NTRK2: variants seen among roughly 807,000 people sequenced by gnomAD.
NTRK2 encodes the protein BDNF/NT-3 growth factors receptor.
Under a neutral mutation model 94.5 loss-of-function variants are expected in NTRK2, and 13 were observed. The observed-to-expected ratio is 0.14, with a 90% confidence interval of 0.09 to 0.22. NTRK2 has a LOEUF of 0.22. Among genes scored for constraint, NTRK2 ranks in the 10% least tolerant of loss-of-function variants. The pLI is 1.00. For synonymous variants in NTRK2, 372 were observed against 407.4 expected, an observed-to-expected ratio of 0.91 and a Z score of 1.05; for missense variants, 639 against 1,071.2, an observed-to-expected ratio of 0.60 and a Z score of 5.63.
At chr9:84,930,168 C>A (rs2077972062) in intron 14 of NTRK2, among the ~76,000 whole-genome samples, 1 of 152,196 alleles carries the variant, frequency 6.6e-6, no homozygotes, top group South Asian at 2.1e-4. Flanking sequence ...TTACAAAAGT[C>A]TTACTCTCAG....
At chr9:84,838,666 G>T (rs1339941647) in intron 12 of NTRK2, among the ~76,000 whole-genome samples, 1 of 152,088 alleles carries the variant, frequency 6.6e-6, no homozygotes, top group Admixed American at 6.6e-5. Flanking sequence ...AATAATACCA[G>T]AGGAATCAAT....
At chr9:84,708,050 T>C in intron 5 of NTRK2, 138 bp downstream of exon 5, 1 of 701,856 alleles carries the variant, frequency 1.4e-6, no homozygotes. Flanking sequence ...AGTTTCAGTC[T>C]CTCAGTCTTT....
At chr9:84,919,856 A>C (rs548054014) in intron 14 of NTRK2, among the ~76,000 whole-genome samples, 1 of 152,290 alleles carries the variant, frequency 6.6e-6, no homozygotes, top group East Asian at 1.9e-4. Context: ...GTGCCTCATG[A>C]GGTTGTGAGG....
At chr9:84,706,714 T>G (rs1256059833) in intron 4 of NTRK2, among the ~76,000 whole-genome samples, 3 of 151,702 alleles carry the variant, frequency 2.0e-5, no homozygotes, top group Non-Finnish European at 4.4e-5. Context: ...TTTTTTTTAG[T>G]GGAGACGGGG....
chr9:85,007,919 C>T (rs1831145031), intron 17 of NTRK2, among the ~76,000 whole-genome samples: 1 of 152,174 alleles, frequency 6.6e-6, no homozygotes, highest in South Asian at 2.1e-4. Context: ...CACACAGCTA[C>T]ACATAAGCTC....
intron 17 of NTRK2, among the ~76,000 whole-genome samples, chr9:84,959,747 A>T (rs1564503969): frequency 6.6e-6 from 1 of 152,130 alleles, no homozygotes; most frequent in Non-Finnish European, 1.5e-5. Context: ...TCTTTCCTCC[A>T]CTGGCAAAAC....
At chr9:84,897,043 G>A (rs1164630376) in intron 14 of NTRK2, among the ~76,000 whole-genome samples, 3 of 152,104 alleles carry the variant, frequency 2.0e-5, no homozygotes, top group Admixed American at 1.3e-4. Flanking sequence ...AACATATGAG[G>A]CAACCAAAGC....
At chr9:84,736,184 A>G (rs905384165) in intron 9 of NTRK2, among the ~76,000 whole-genome samples, 1 of 152,222 alleles carries the variant, frequency 6.6e-6, no homozygotes, top group African/African-American at 2.4e-5. Flanking sequence ...GTACATAAAG[A>G]GTGTCTGTAT....
chr9:84,863,086 A>T (rs887515619), intron 13 of NTRK2, among the ~76,000 whole-genome samples: 3 of 152,084 alleles, frequency 2.0e-5, no homozygotes, highest in Admixed American at 6.6e-5. Context: ...CAGGATTAGC[A>T]CGGCCCCAGA....
chr9:85,009,748 T>A (rs1831361310), intron 17 of NTRK2, among the ~76,000 whole-genome samples: 1 of 152,140 alleles, frequency 6.6e-6, no homozygotes. Flanking sequence ...GTTACATATA[T>A]CAGAGATAGC....
rs945700305 is a variant in NTRK2 at position 84,997,607 on chromosome 9, C to A, written c.2173-22599C>A. Among the ~76,000 whole-genome samples the A allele has an allele frequency of 2.6e-5, 4 of 152,066 alleles. No homozygotes were observed. In the South Asian group the frequency reaches 6.2e-4, roughly 24 times the overall value. On this transcript the variant is annotated intron_variant, in intron 17 of 18. Coordinates refer to ENST00000277120, the MANE Select transcript of NTRK2 (RefSeq NM_006180.6). ...TACTTGTGGGTCAGCTCCCCTGGGG[C>A]AAGTGAACAAAAAGAGTGATTTCAG...
chr9:84,745,001 G>T lies in NTRK2; in HGVS notation c.1224G>T (p.Gly408=), dbSNP rs189225552. The change falls in exon 11 of 19, where the codon GGG becomes GGT. Residue 408 remains glycine, a synonymous_variant. Transcript: ENST00000277120. ...ATGGAACTGCAGCGAATGACATCGG[G>T]GACACCACGAACAGAAGTAATGAAA... ...EDYGTAANDI[G]DTTNRSNEIP... is the part of the protein sequence containing the mutation. 1.2e-6 allele frequency: 2 copies of T among 1,613,490 alleles called. No homozygotes were observed. The highest frequency in any genetic ancestry group is 1.7e-6 in the Non-Finnish European group (2 of 1,179,896).
At chr9:84,874,156 GCCA>G (rs2075978515) in intron 14 of NTRK2, 1 of 1,064,772 alleles carries the variant, frequency 9.4e-7, no homozygotes, top group African/African-American at 1.6e-5. Flanking sequence ...TTTCGGATTG[GCCA>G]CTCTTGCATG....
chr9:84,810,999 T>A, intron 12 of NTRK2: 2 of 1,120,006 alleles, frequency 1.8e-6, no homozygotes, highest in Non-Finnish European at 2.2e-6. Flanking sequence ...AAATTAAAGT[T>A]GAGAACAGGT....
chr9:84,791,605 A>G (rs1255641245), intron 12 of NTRK2, among the ~76,000 whole-genome samples: 4 of 152,200 alleles, frequency 2.6e-5, no homozygotes, highest in Non-Finnish European at 5.9e-5. Context: ...TCATGCAAAT[A>G]TTTTGAAATA....
intron 17 of NTRK2, among the ~76,000 whole-genome samples, chr9:84,971,664 A>G (rs1174698403): frequency 6.6e-6 from 1 of 152,232 alleles, no homozygotes; most frequent in Non-Finnish European, 1.5e-5. Context: ...TTGTGATCAT[A>G]AAAGCAATGA....
chr9:84,803,986 C>T (rs2133430185), intron 12 of NTRK2, among the ~76,000 whole-genome samples: 1 of 152,296 alleles, frequency 6.6e-6, no homozygotes, highest in South Asian at 2.1e-4. Flanking sequence ...TAGGCAGAGA[C>T]ATCGGCCACA....
intron 6 of NTRK2, among the ~76,000 whole-genome samples, chr9:84,718,947 G>A (rs914923733): frequency 2.0e-5 from 3 of 152,180 alleles, no homozygotes; most frequent in African/African-American, 7.2e-5. Flanking sequence ...ACATTTAAAA[G>A]ATCAAGACTT....
intron 12 of NTRK2, among the ~76,000 whole-genome samples, chr9:84,776,098 GCA>G (rs1388456361): frequency 2.0e-5 from 3 of 152,024 alleles, no homozygotes; most frequent in African/African-American, 2.4e-5. Flanking sequence ...CATCTCTGAG[GCA>G]CACAGTTGGT....
Sources: gnomAD v4.1 joint callset for allele counts (sites outside exome capture counted in the v4.1 genomes callset) on GRCh38, gnomAD v4.1.1 for gene constraint, MANE v1.5 for transcripts, NCBI Gene and HGNC (gene_info 2026-07-23, HGNC 2026-07-21) for gene names.